The following ELMO1 variants were observed in gnomAD, a reference collection of about 807,000 sequenced individuals.
The protein encoded by ELMO1 is engulfment and cell motility 1.
A neutral mutation model predicts 98.9 loss-of-function variants in ELMO1; 26 were observed. The observed-to-expected ratio is 0.26, with a 90% CI of 0.19 to 0.36. ELMO1 has a LOEUF of 0.36. Among genes scored for constraint, ELMO1 ranks in the 10% least tolerant of loss-of-function variants. The probability of loss-of-function intolerance (pLI) is 1.00; values close to 1 mark genes in which losing one functional copy is unlikely to be tolerated. For missense variants in ELMO1, 627 were observed against 935.2 expected (o/e 0.67, Z 4.30); for synonymous variants, 346 against 346.0 (o/e 1.00, Z 0.00).
At chr7:37,446,183 C>G (rs2131601250) in intron 1 of ELMO1, among the ~76,000 whole-genome samples, 1 of 152,332 alleles carries the variant, frequency 6.6e-6, no homozygotes, top group Non-Finnish European at 1.5e-5. Flanking sequence ...GTATAGCCAC[C>G]TCTCATTTAG....
intron 13 of ELMO1, among the ~76,000 whole-genome samples, chr7:37,154,844 C>T (rs1402642672): frequency 1.3e-5 from 2 of 152,036 alleles, no homozygotes; most frequent in Non-Finnish European, 2.9e-5. Context: ...GAAGAGCAAC[C>T]CCAAGACACA....
intron 1 of ELMO1, among the ~76,000 whole-genome samples, chr7:37,362,364 T>C (rs765870795): frequency 6.6e-5 from 10 of 152,164 alleles, no homozygotes; most frequent in Admixed American, 2.6e-4. Context: ...AGTTATAATA[T>C]GACAGGGCCA....
intron 13 of ELMO1, among the ~76,000 whole-genome samples, chr7:37,209,433 A>G (rs1792832083): frequency 6.6e-6 from 1 of 152,132 alleles, no homozygotes; most frequent in Admixed American, 6.5e-5. Context: ...CAGGTTTTGG[A>G]TTTTCTACAT....
chr7:37,028,429 T>C (rs1017333852), intron 15 of ELMO1, among the ~76,000 whole-genome samples: 2 of 152,204 alleles, frequency 1.3e-5, no homozygotes, highest in African/African-American at 2.4e-5. Flanking sequence ...TTACAGTTGA[T>C]AAAACAGCAC....
intron 4 of ELMO1, among the ~76,000 whole-genome samples, chr7:37,294,875 C>A (rs1797951321): frequency 6.6e-6 from 1 of 152,036 alleles, no homozygotes. Context: ...TGGCAGGCGC[C>A]TGTAACCCCA....
chr7:37,144,513 T>TC (rs1202606688), intron 13 of ELMO1, among the ~76,000 whole-genome samples: 4 of 152,224 alleles, frequency 2.6e-5, no homozygotes, highest in African/African-American at 9.7e-5. Flanking sequence ...GTTATTTTTT[T>TC]CCACCTGTCT....
rs1562790521 is a variant in ELMO1 at position 36,878,123 on chromosome 7, A to AG, written c.1715-7dup. The AG allele has an allele frequency of 6.2e-7, 1 of 1,608,734 alleles. No homozygotes were observed. The highest frequency in any genetic ancestry group is 1.7e-5 in the Admixed American group (1 of 59,996). On this transcript the variant is annotated splice_region_variant and splice_polypyrimidine_tract_variant and intron_variant, in intron 18 of 21. Coordinates refer to ENST00000310758, the MANE Select transcript of ELMO1 (RefSeq NM_014800.11). ...CCGACAATACCAAAACTTGTCTGAG[A>AG]GAAAAAACACAAGTTTACAAGGTAA...
At chr7:37,258,115 A>G (rs1795785460) in intron 6 of ELMO1, among the ~76,000 whole-genome samples, 1 of 152,188 alleles carries the variant, frequency 6.6e-6, no homozygotes, top group Non-Finnish European at 1.5e-5. Flanking sequence ...TAAAAATACA[A>G]AAATTAGCTA....
Position 36,949,759 on chromosome 7 carries a change from A to AT in ELMO1, c.1438-54743dup, listed in dbSNP as rs377171202. ...TGTTCACTGTAGAATGTTTAGCAGCATATCTCTGGCCTCTGCTCACTAGAT... is the reference window on the plus strand; with the variant it reads ...TGTTCACTGTAGAATGTTTAGCAGCATTATCTCTGGCCTCTGCTCACTAGAT... On this transcript the variant is annotated intron_variant, in intron 16 of 21. Transcript: ENST00000310758. Among the ~76,000 whole-genome samples, 76 of 151,926 alleles carry AT rather than the reference A, an allele frequency of 5.0e-4. 1 individual carries two copies. Among genetic ancestry groups the AT allele is most frequent in the African/African-American group, 1.8e-3 (74 of 41,422 alleles).
At chr7:37,164,497 C>T (rs1563048446) in intron 13 of ELMO1, among the ~76,000 whole-genome samples, 2 of 152,302 alleles carry the variant, frequency 1.3e-5, no homozygotes, top group East Asian at 1.9e-4. Context: ...TTTAATCCAT[C>T]TTGAATTGAT....
At chr7:36,948,295 G>A (rs1787674310) in intron 16 of ELMO1, among the ~76,000 whole-genome samples, 1 of 152,162 alleles carries the variant, frequency 6.6e-6, no homozygotes, top group African/African-American at 2.4e-5. Context: ...CTAAGGCAAT[G>A]TGAGGGACCC....
chr7:37,247,642 T>C (rs989978656), intron 6 of ELMO1, among the ~76,000 whole-genome samples: 2 of 152,190 alleles, frequency 1.3e-5, no homozygotes, highest in Non-Finnish European at 2.9e-5. Flanking sequence ...TTCTATAAAA[T>C]GGCTGACCTA....
chr7:37,251,763 T>C (rs1476255259), intron 6 of ELMO1, among the ~76,000 whole-genome samples: 1 of 152,218 alleles, frequency 6.6e-6, no homozygotes, highest in Non-Finnish European at 1.5e-5. Context: ...ATAAAGGGTA[T>C]TCAAATAGGA....
intron 15 of ELMO1, among the ~76,000 whole-genome samples, chr7:37,040,520 T>G (rs540245850): frequency 6.6e-6 from 1 of 152,158 alleles, no homozygotes; most frequent in African/African-American, 2.4e-5. Flanking sequence ...AGCATGTGCA[T>G]GATGTGACAC....
At chr7:37,371,503 T>G (rs187917333) in intron 1 of ELMO1, among the ~76,000 whole-genome samples, 15 of 152,194 alleles carry the variant, frequency 9.9e-5, no homozygotes, top group African/African-American at 1.4e-4. Context: ...GGAAAACTTA[T>G]GTGAAACACC....
At chr7:37,379,901 T>G (rs146588705) in intron 1 of ELMO1, among the ~76,000 whole-genome samples, 1 of 152,218 alleles carries the variant, frequency 6.6e-6, no homozygotes, top group African/African-American at 2.4e-5. Context: ...ACAAACTGTC[T>G]TTGTGTCCTA....
chr7:36,910,062 G>A (rs977235140), intron 16 of ELMO1, among the ~76,000 whole-genome samples: 1 of 152,202 alleles, frequency 6.6e-6, no homozygotes, highest in Non-Finnish European at 1.5e-5. Context: ...TAGATAACAG[G>A]AAAGTAGGGG....
intron 13 of ELMO1, among the ~76,000 whole-genome samples, chr7:37,174,124 C>T (rs1302813620): frequency 6.6e-6 from 1 of 152,158 alleles, no homozygotes; most frequent in Non-Finnish European, 1.5e-5. Flanking sequence ...GTCTTCTGCC[C>T]TTCCCCATTC....
At position 37,204,100 on chromosome 7, in the gene ELMO1, G is replaced by A. The variant is rs952638798; in HGVS notation, c.1086+7286C>T. 32 of 456,322 alleles carry A rather than the reference G, an allele frequency of 7.0e-5. 1 individual carries two copies. The highest frequency in any genetic ancestry group is 2.8e-4 in the African/African-American group (14 of 50,058). The allele number at this position is 456,322 out of a possible 1,614,324, so 28.3% of individuals were successfully genotyped here. On this transcript the variant is annotated intron_variant, in intron 13 of 21. Transcript: ENST00000310758. ...GAATAGCAAGCAAAAGGGGTCCGAC[G>A]GTACTCACCATTTGGCAATAGGCAT... is the stretch of plus-strand genomic sequence containing the variant.
Sources: allele counts gnomAD v4.1 joint callset (sites outside exome capture counted in the v4.1 genomes callset), GRCh38; gene constraint gnomAD v4.1.1; transcripts MANE v1.5; gene names NCBI Gene and HGNC (gene_info 2026-07-23, HGNC 2026-07-21).